MYH14: variants seen among roughly 807,000 people sequenced by gnomAD.
MYH14 encodes myosin-14.
In MYH14, 123 loss-of-function variants were observed where a neutral mutation model predicts 255.5. That is an observed-to-expected ratio of 0.48 (90% confidence interval 0.42 to 0.56). The LOEUF (loss-of-function observed/expected upper bound fraction) is 0.56. Among genes scored for constraint, MYH14 ranks in the 20% least tolerant of loss-of-function variants. The probability of loss-of-function intolerance (pLI) is 0.00; values close to 1 mark genes in which losing one functional copy is unlikely to be tolerated. For synonymous variants in MYH14, 1,095 were observed against 1,161.2 expected, an observed-to-expected ratio of 0.94 and a Z score of 1.16; for missense variants, 2,423 against 2,802.3, an observed-to-expected ratio of 0.86 and a Z score of 3.06.
intron 36 of MYH14, among the ~76,000 whole-genome samples, chr19:50,291,391 C>T (rs533631009): frequency 1.3e-5 from 2 of 151,864 alleles, no homozygotes; most frequent in East Asian, 3.9e-4. Context: ...AACTCTGCCT[C>T]CCAGGTTCAA....
At chr19:50,223,136 G>A in intron 4 of MYH14, 26 bp downstream of exon 4, 2 of 1,613,402 alleles carry the variant, frequency 1.2e-6, no homozygotes, top group Non-Finnish European at 8.5e-7. Context: ...GGACTTCCTG[G>A]AGGAGGAGAG....
intron 11 of MYH14, among the ~76,000 whole-genome samples, chr19:50,245,103 A>C (rs146814133): frequency 6.6e-6 from 1 of 152,260 alleles, no homozygotes; most frequent in East Asian, 1.9e-4. Flanking sequence ...TGGAAGGGGG[A>C]AAAATCTGGC....
At chr19:50,265,478 C>T (rs1262317836) in intron 22 of MYH14, among the ~76,000 whole-genome samples, 2 of 152,110 alleles carry the variant, frequency 1.3e-5, no homozygotes, top group East Asian at 1.9e-4. Context: ...CATCACTGCA[C>T]TACAGCTTGG....
chr19:50,309,664 C>CCGCACGGTG lies in MYH14; in HGVS notation c.5989_5997dup (p.Thr1997_Arg1999dup), dbSNP rs779702927. 1 of 1,611,006 alleles carries CCGCACGGTG rather than the reference C, an allele frequency of 6.2e-7. No individual in the cohort carries two copies. Among genetic ancestry groups the CCGCACGGTG allele is most frequent in the Non-Finnish European group, 8.5e-7 (1 of 1,178,904 alleles). On this transcript the variant is annotated inframe_insertion, in exon 43 of 43. Coordinates refer to ENST00000642316, the MANE Select transcript of MYH14 (RefSeq NM_001145809.2). ...GACGCGGCCCCCTCACCTTCACCACCCGCACGGTGCGCCAGGTCTTCCGAC... is the reference window on the plus strand; with the variant it reads ...GACGCGGCCCCCTCACCTTCACCACCCGCACGGTGCGCACGGTGCGCCAGGTCTTCCGAC...
At chr19:50,242,438 C>A (rs694354) in intron 10 of MYH14, among the ~76,000 whole-genome samples, 5 of 151,990 alleles carry the variant, frequency 3.3e-5, no homozygotes, top group African/African-American at 1.2e-4. Flanking sequence ...GCAGGCAAGA[C>A]AGAATGAGAG....
At chr19:50,222,025 G>A (rs1332520280) in intron 3 of MYH14, among the ~76,000 whole-genome samples, 2 of 152,112 alleles carry the variant, frequency 1.3e-5, no homozygotes, top group Non-Finnish European at 2.9e-5. Flanking sequence ...CTTTGTCGTG[G>A]GAGGCTGTCC....
intron 3 of MYH14, among the ~76,000 whole-genome samples, chr19:50,220,147 T>G (rs988257475): frequency 1.3e-5 from 2 of 152,104 alleles, no homozygotes; most frequent in Admixed American, 1.3e-4. Flanking sequence ...GCTCGCCATT[T>G]CCGTCCCGCA....
At chr19:50,233,644 G>A (rs2033515477) in intron 10 of MYH14, among the ~76,000 whole-genome samples, 1 of 152,098 alleles carries the variant, frequency 6.6e-6, no homozygotes, top group Non-Finnish European at 1.5e-5. Flanking sequence ...AGTGAGGGTG[G>A]TTCATCCCGG....
At chr19:50,289,809 A>G (rs2036011142) in intron 35 of MYH14, among the ~76,000 whole-genome samples, 161 bp downstream of exon 35, 1 of 150,134 alleles carries the variant, frequency 6.7e-6, no homozygotes, top group Non-Finnish European at 1.5e-5. Flanking sequence ...TCCACTGCTC[A>G]GTGTCTCCCC....
In MYH14 at chr19:50,270,700, TTA is replaced by T. The variant is rs1274878144; in HGVS notation, c.3034-707_3034-706del. On this transcript the variant is annotated intron_variant, in intron 24 of 42. Coordinates refer to ENST00000642316, the MANE Select transcript of MYH14 (RefSeq NM_001145809.2). ...ATTTTTAAAATTATTTATTATTTAT[TTA>T]TTTTTTTTTTGAGACAGAGTCTCAC... is the stretch of plus-strand genomic sequence containing the variant. 5.6e-4 allele frequency among the ~76,000 whole-genome samples: 16 copies of T among 28,658 alleles called. 1 individual carries two copies. The highest frequency in any genetic ancestry group is 2.3e-3 in the South Asian group (2 of 886). The allele number at this position is 28,658 out of a possible 152,430, so 18.8% of individuals were successfully genotyped here. A position where few individuals can be genotyped will look rare whatever the true frequency, so the allele number is the denominator to read the frequency against.
At chr19:50,255,638 T>C (rs578198464) in intron 17 of MYH14, among the ~76,000 whole-genome samples, 15 of 152,150 alleles carry the variant, frequency 9.9e-5, no homozygotes, top group African/African-American at 3.1e-4. Flanking sequence ...ATGAGGAAAC[T>C]AAAGCACAGA....
Position 50,250,413 on chromosome 19 carries a change from T to C in MYH14, c.1657-102T>C. The stretch of plus-strand genomic sequence containing the variant: ...ACCGTGCCTGGCATCTCACGTTTGT[T>C]TTTATGTCCAAGTGTGACTTATAAG... On this transcript the variant is annotated intron_variant, in intron 14 of 42. Transcript: ENST00000642316. This position sits in a 1 kb window ranked among gnomAD's most constrained non-coding sequence, Gnocchi z 5.4. 7.8e-7 allele frequency: 1 copy of C among 1,286,932 alleles called. No individual in the cohort carries two copies. Among genetic ancestry groups the C allele is most frequent in the South Asian group, 1.3e-5 (1 of 76,692 alleles). The allele number at this position is 1,286,932 out of a possible 1,614,324, so 79.7% of individuals were successfully genotyped here.
rs2034737613 is a variant in MYH14 at position 50,259,414 on chromosome 19, G to A, written c.2354+149G>A. The A allele has an allele frequency of 6.5e-6, 7 of 1,085,092 alleles. No homozygotes were observed. In the African/African-American group the frequency reaches 7.9e-5, roughly 12 times the overall value. 67.2% of individuals were successfully genotyped at this position (1,085,092 alleles called of 1,614,324 possible). A position where few individuals can be genotyped will look rare whatever the true frequency, so the allele number is the denominator to read the frequency against. On this transcript the variant is annotated intron_variant, in intron 19 of 42. Transcript: ENST00000642316. ...AGATTACTCACTTTGCTGAGCCTCA[G>A]TTTACTCGTCTGTGTATGGGAGAAC...
rs563718091 is a variant in MYH14 at position 50,221,326 on chromosome 19, G to T, written c.563-1757G>T. ...CGCAGCAAGTCAGAGAGGCAGCCGG[G>T]CGGTGAACCTGTGTGCATATAGTCC... On this transcript the variant is annotated intron_variant, in intron 3 of 42. Transcript: ENST00000642316. This position sits in a 1 kb window ranked among gnomAD's most constrained non-coding sequence, Gnocchi z 5.3. Among the ~76,000 whole-genome samples the T allele has an allele frequency of 6.6e-6, 1 of 152,226 alleles. No individual in the cohort carries two copies. The highest frequency in any genetic ancestry group is 1.5e-5 in the Non-Finnish European group (1 of 68,022).
chr19:50,224,427 C>T (rs1356282226), intron 6 of MYH14, among the ~76,000 whole-genome samples: 11 of 152,200 alleles, frequency 7.2e-5, no homozygotes, highest in Non-Finnish European at 1.0e-4. Context: ...TGTGTCCAGC[C>T]AGGGCCCACA....
At chr19:50,262,041 T>C (rs2034901785) in intron 21 of MYH14, among the ~76,000 whole-genome samples, 1 of 152,048 alleles carries the variant, frequency 6.6e-6, no homozygotes, top group Admixed American at 6.5e-5. Flanking sequence ...AGAGTCCCAG[T>C]CCCGGGTGAG....
intron 22 of MYH14, among the ~76,000 whole-genome samples, chr19:50,265,331 G>A (rs1323858803): frequency 6.7e-6 from 1 of 148,490 alleles, no homozygotes; most frequent in Non-Finnish European, 1.5e-5. Context: ...GGGCAACAAA[G>A]TGAGACCCTC....
chr19:50,292,047 G>A (rs1347995431), intron 36 of MYH14, among the ~76,000 whole-genome samples: 3 of 152,136 alleles, frequency 2.0e-5, no homozygotes, highest in African/African-American at 4.8e-5. Context: ...TCTCAGCCAG[G>A]TCAACCTCCT....
rs1252890165 is a variant in MYH14 at position 50,249,042 on chromosome 19, G to T, written c.1385G>T (p.Trp462Leu). Residue 462 changes from tryptophan (W) to leucine (L), a missense_variant, in exon 13 of 43, where the codon TGG (tryptophan) becomes TTG (leucine). Trp to Leu is a moderately conservative substitution (Grantham distance 61, BLOSUM62 -2). Transcript: ENST00000642316. Reference sequence around the variant, plus strand: ...GCCACCTACGAGCGCCTCTTCCGCTGGCTGGTTCTGCGCCTCAACCGGGCC... The same window carrying T: ...GCCACCTACGAGCGCCTCTTCCGCTTGCTGGTTCTGCGCCTCAACCGGGCC... ...AKATYERLFR[W>L]LVLRLNRALD... 6.2e-7 allele frequency: 1 copy of T among 1,613,252 alleles called. No individual in the cohort carries two copies. Among genetic ancestry groups the T allele is most frequent in the Admixed American group, 1.7e-5 (1 of 59,902 alleles).
Sources: gnomAD v4.1 joint callset for allele counts (sites outside exome capture counted in the v4.1 genomes callset) on GRCh38, gnomAD v4.1.1 for gene constraint, Gnocchi (gnomAD v3.1) non-coding constraint, MANE v1.5 for transcripts, NCBI Gene and HGNC (gene_info 2026-07-23, HGNC 2026-07-21) for gene names.